The following MACF1 variants were observed in gnomAD, a reference collection of about 807,000 sequenced individuals.
The protein encoded by MACF1 is microtubule actin crosslinking factor 1, also known as microtubule-actin cross-linking factor 1.
In MACF1, 193 loss-of-function variants were observed where a neutral mutation model predicts 854.8. That is an observed-to-expected ratio of 0.23 (90% confidence interval 0.20 to 0.25). MACF1 has a LOEUF of 0.25. Ranked by LOEUF, MACF1 falls within the 10% of genes least tolerant of loss-of-function variation. The pLI is 1.00. For missense variants in MACF1, 7,722 were observed against 8,929.1 expected (o/e 0.86, Z 5.45); for synonymous variants, 3,185 against 3,226.7 (o/e 0.99, Z 0.44).
At chr1:39,224,980 T>TCAC (rs1644697050) in intron 1 of MACF1, among the ~76,000 whole-genome samples, 3 of 151,660 alleles carry the variant, frequency 2.0e-5, no homozygotes, top group African/African-American at 7.3e-5. Flanking sequence ...AGGCCAGGAG[T>TCAC]TTGAGATCAG....
intron 72 of MACF1, among the ~76,000 whole-genome samples, chr1:39,440,160 T>A (rs1644080802): frequency 1.4e-5 from 2 of 139,492 alleles, no homozygotes; most frequent in East Asian, 4.3e-4. Context: ...TCACCCAGGC[T>A]GGATTGCAGT....
At chr1:39,217,820 A>G (rs1233404927) in intron 1 of MACF1, among the ~76,000 whole-genome samples, 7 of 147,988 alleles carry the variant, frequency 4.7e-5, no homozygotes, top group Non-Finnish European at 3.0e-5. Flanking sequence ...TGAGCCTGGG[A>G]GGCAGAGATT....
chr1:39,299,479 A>G (rs1294730787), intron 21 of MACF1, among the ~76,000 whole-genome samples: 1 of 152,216 alleles, frequency 6.6e-6, no homozygotes, highest in Non-Finnish European at 1.5e-5. Context: ...GTTTACTACC[A>G]ATTTTGTTAA....
chr1:39,468,515 A>G, intron 95 of MACF1, 100 bp from the exon 96 acceptor site: 3 of 908,674 alleles, frequency 3.3e-6, no homozygotes, highest in Non-Finnish European at 5.1e-6. Context: ...TTCTGTAGCT[A>G]TCAAATTGTC....
chr1:39,451,383 G>A (rs1265031656), intron 85 of MACF1, among the ~76,000 whole-genome samples, 172 bp downstream of exon 85: 2 of 152,186 alleles, frequency 1.3e-5, no homozygotes, highest in African/African-American at 4.8e-5. Context: ...TAGTCACAAC[G>A]AATTTACCAA....
intron 58 of MACF1, among the ~76,000 whole-genome samples, chr1:39,407,826 G>A (rs1642772222): frequency 6.6e-6 from 1 of 152,166 alleles, no homozygotes; most frequent in African/African-American, 2.4e-5. Context: ...TTGACCACAT[G>A]GTCCGACAGA....
At chr1:39,247,005 G>T (rs1242306295) in intron 2 of MACF1, among the ~76,000 whole-genome samples, 1 of 151,540 alleles carries the variant, frequency 6.6e-6, no homozygotes, top group African/African-American at 2.4e-5. Context: ...AGGTTCAAGG[G>T]ATTCTCCTGT....
At chr1:39,125,070 T>C (rs1642823977) in intron 2 of MACF1, among the ~76,000 whole-genome samples, 1 of 152,120 alleles carries the variant, frequency 6.6e-6, no homozygotes, top group Admixed American at 6.5e-5. Context: ...TATTTCCTTA[T>C]TATAAAAATG....
chr1:39,088,077 A>G (rs562024569), intron 2 of MACF1, among the ~76,000 whole-genome samples: 14 of 151,968 alleles, frequency 9.2e-5, no homozygotes, highest in South Asian at 6.3e-4. Context: ...GTTTCACGCC[A>G]TTCTCCTGCC....
chr1:39,338,592 T>G (rs1484825537), intron 38 of MACF1, among the ~76,000 whole-genome samples: 1 of 152,244 alleles, frequency 6.6e-6, no homozygotes, highest in Non-Finnish European at 1.5e-5. Context: ...TGCTGTGCTC[T>G]AACGAAAGGC....
rs1557655751 is a variant in MACF1, at chr1:39,439,986, AGATGGTAGAAAAT to A, written c.18447+487_18447+499del. Among the ~76,000 whole-genome samples, 38 of 145,272 alleles carry A rather than the reference AGATGGTAGAAAAT, an allele frequency of 2.6e-4. No homozygotes were observed. In the East Asian group the frequency reaches 8.5e-3, roughly 32 times the overall value. ...TTACATTTCTTAAATGTAGAAAAATAGATGGTAGAAAATAAAAATCAATTTTGGACTCATTATC... is the reference window on the plus strand; with the variant it reads ...TTACATTTCTTAAATGTAGAAAAATAAAAAATCAATTTTGGACTCATTATC... On this transcript the variant is annotated intron_variant, in intron 72 of 100. Transcript: ENST00000564288.
chr1:39,203,258 C>G (rs1415624969), upstream of MACF1, among the ~76,000 whole-genome samples: 2 of 152,184 alleles, frequency 1.3e-5, no homozygotes, highest in East Asian at 3.8e-4. Flanking sequence ...GGCTGTAGTG[C>G]AGTGGCATGA....
At chr1:39,199,180 T>C (rs1644359051) in intron 2 of MACF1, among the ~76,000 whole-genome samples, 1 of 151,684 alleles carries the variant, frequency 6.6e-6, no homozygotes, top group Admixed American at 6.6e-5. Flanking sequence ...AGAGATGGGG[T>C]TTCACCGTGT....
In MACF1 at chr1:39,271,761, A is replaced by G. The variant is rs138119431; in HGVS notation, c.529-10447A>G. ...TGAGATTTTCAGAAATTTGGCATAT[A>G]AAGTTTTAGGAACTCCTAGTAAAAT... On this transcript the variant is annotated intron_variant, in intron 6 of 100. Transcript: ENST00000564288. Among the ~76,000 whole-genome samples, 25 of 152,356 alleles carry G rather than the reference A, an allele frequency of 1.6e-4. No individual in the cohort carries two copies. In the East Asian group the frequency reaches 4.6e-3, roughly 28 times the overall value.
At chr1:39,202,051 C>T (rs1301258523), upstream of MACF1, among the ~76,000 whole-genome samples, 1 of 134,078 alleles carries the variant, frequency 7.5e-6, no homozygotes, top group Non-Finnish European at 1.5e-5. Context: ...ACTGCAAGCT[C>T]TGCCTCCCGG....
rs140898090 is a variant in MACF1, at chr1:39,380,313, C to T, written c.13588C>T (p.Leu4530=). The change falls in exon 55 of 101, where the codon CTG becomes TTG. Residue 4530 remains leucine, a synonymous_variant. Coordinates refer to ENST00000564288, the MANE Select transcript of MACF1 (RefSeq NM_001394062.1). ...AGTAAAGGAAGCCCTGGCTGGATTA[C>T]TGGTGACATATCCCAACTCACAGGA... ...QKVKEALAGL[L]VTYPNSQEAE... is the part of the protein sequence containing the mutation. The T allele has an allele frequency of 2.2e-5, 35 of 1,613,676 alleles. 1 individual carries two copies. The Admixed American group carries it at 5.7e-4, about 26-fold the overall frequency.
rs985723255 is a variant in MACF1 at position 39,409,221 on chromosome 1, G to A, written c.15817-13153G>A. 7.2e-5 allele frequency among the ~76,000 whole-genome samples: 11 copies of A among 152,230 alleles called. No individual in the cohort carries two copies. In the East Asian group the frequency reaches 1.5e-3, roughly 21 times the overall value. On this transcript the variant is annotated intron_variant, in intron 58 of 100. Transcript: ENST00000564288. The surrounding 1 kb of genome is among the most constrained non-coding windows in gnomAD (Gnocchi z 4.2). ...CAGCTGCGGGCGGGGAGGACGGCGG[G>A]GCCGCGGGGCCAGCGGCGTGGTGGA...
intron 58 of MACF1, chr1:39,411,282 G>A (rs764628632): frequency 1.9e-6 from 3 of 1,613,908 alleles, no homozygotes; most frequent in Non-Finnish European, 1.7e-6. Context: ...GGGAGGAAGA[G>A]AAACTGTCAG....
At chr1:39,250,471 C>G (rs907492103) in intron 3 of MACF1, among the ~76,000 whole-genome samples, 2 of 152,018 alleles carry the variant, frequency 1.3e-5, no homozygotes, top group Non-Finnish European at 2.9e-5. Flanking sequence ...GAGCTCTAGT[C>G]TATATAGACG....
Sources: allele counts gnomAD v4.1 joint callset (sites outside exome capture counted in the v4.1 genomes callset), GRCh38; gene constraint gnomAD v4.1.1; non-coding constraint Gnocchi (gnomAD v3.1); transcripts MANE v1.5; gene names NCBI Gene and HGNC (gene_info 2026-07-23, HGNC 2026-07-21).